The following ARHGAP42 variants were observed in gnomAD, a reference collection of about 807,000 sequenced individuals.
The protein encoded by ARHGAP42 is Rho GTPase activating protein 42.
In ARHGAP42, 63 loss-of-function variants were observed where a neutral mutation model predicts 125.0. That is an observed-to-expected ratio of 0.50 (90% CI 0.41 to 0.62). The LOEUF is 0.62. Among genes scored for constraint, ARHGAP42 ranks in the 20% least tolerant of loss-of-function variants. ARHGAP42 has a pLI of 0.00. For missense variants in ARHGAP42, 766 were observed against 1,024.2 expected (o/e 0.75, Z 3.44); for synonymous variants, 339 against 351.0 (o/e 0.97, Z 0.38).
At chr11:100,904,219 C>T (rs1866655326) in intron 4 of ARHGAP42, among the ~76,000 whole-genome samples, 1 of 151,896 alleles carries the variant, frequency 6.6e-6, no homozygotes, top group South Asian at 2.1e-4. Flanking sequence ...ATATCGAACA[C>T]CCCCTCTACT....
At chr11:100,813,904 A>G (rs574708543) in intron 3 of ARHGAP42, among the ~76,000 whole-genome samples, 1 of 152,322 alleles carries the variant, frequency 6.6e-6, no homozygotes, top group Admixed American at 6.5e-5. Flanking sequence ...GAATGAAAAT[A>G]GCAGAACAGG....
chr11:100,852,865 T>G lies in ARHGAP42; in HGVS notation c.313-6689T>G, dbSNP rs373557574. Among the ~76,000 whole-genome samples, 7 of 152,280 alleles carry G rather than the reference T, an allele frequency of 4.6e-5. No homozygotes were observed. In the East Asian group the frequency reaches 1.2e-3, roughly 25 times the overall value. Reference sequence around the variant, plus strand: ...AAGTTCAGCAGACCCTGGTGTTTCCTTAGAATGTGCAAAGGTAGAGGACTG... The same window carrying G: ...AAGTTCAGCAGACCCTGGTGTTTCCGTAGAATGTGCAAAGGTAGAGGACTG... On this transcript the variant is annotated intron_variant, in intron 3 of 23. Transcript: ENST00000298815.
In ARHGAP42 at chr11:100,687,576, C is replaced by G; in HGVS notation, c.-103C>G. 1 of 963,806 alleles carries G rather than the reference C, an allele frequency of 1.0e-6. No individual in the cohort carries two copies. The highest frequency in any genetic ancestry group is 1.7e-5 in the African/African-American group (1 of 57,706). 59.7% of individuals were successfully genotyped at this position (963,806 alleles called of 1,614,324 possible). On this transcript the variant is annotated 5_prime_UTR_variant, in exon 1 of 24. Transcript: ENST00000298815. ...CAGTCCCCTCGCGTCCCGGCGCCTT[C>G]CCCGCGATCGCGCGACCCCAGCGCC...
At chr11:100,691,042 A>G (rs1861180584) in intron 1 of ARHGAP42, among the ~76,000 whole-genome samples, 1 of 152,228 alleles carries the variant, frequency 6.6e-6, no homozygotes, top group Non-Finnish European at 1.5e-5. Flanking sequence ...AACCTCTCTT[A>G]GTCCTAACTT....
chr11:100,943,716 C>A, intron 9 of ARHGAP42, 43 bp from the exon 10 acceptor site: 2 of 1,309,240 alleles, frequency 1.5e-6, no homozygotes, highest in Non-Finnish European at 2.1e-6. Context: ...TATTTCAATT[C>A]ACTTGTCAGC....
chr11:100,970,788 C>T (rs771243460), intron 17 of ARHGAP42, among the ~76,000 whole-genome samples: 44 of 152,062 alleles, frequency 2.9e-4, no homozygotes, highest in Non-Finnish European at 4.9e-4. Flanking sequence ...GATTTTGGCA[C>T]CAATATTCTT....
intron 4 of ARHGAP42, among the ~76,000 whole-genome samples, chr11:100,868,473 A>C (rs752892921): frequency 6.6e-6 from 1 of 152,218 alleles, no homozygotes; most frequent in African/African-American, 2.4e-5. Flanking sequence ...AATAACCGTT[A>C]AACTCATTTT....
intron 2 of ARHGAP42, among the ~76,000 whole-genome samples, chr11:100,784,670 A>T (rs1863392782): frequency 6.6e-6 from 1 of 152,218 alleles, no homozygotes; most frequent in Admixed American, 6.5e-5. Flanking sequence ...GATTCAAAAA[A>T]AAAAAATCCT....
intron 2 of ARHGAP42, among the ~76,000 whole-genome samples, chr11:100,772,217 G>T (rs1275279368): frequency 6.6e-6 from 1 of 152,186 alleles, no homozygotes; most frequent in African/African-American, 2.4e-5. Flanking sequence ...CTCAGGAGAA[G>T]CTAAGCTGAA....
At chr11:100,699,634 T>G (rs951059839) in intron 1 of ARHGAP42, among the ~76,000 whole-genome samples, 1 of 147,092 alleles carries the variant, frequency 6.8e-6, no homozygotes. Context: ...GCGATTCTCC[T>G]GCCTCAGCCT....
intron 1 of ARHGAP42, among the ~76,000 whole-genome samples, chr11:100,697,665 T>C (rs1020562984): frequency 3.3e-5 from 5 of 152,186 alleles, no homozygotes; most frequent in African/African-American, 1.2e-4. Flanking sequence ...ATGATTTAAT[T>C]TGGAAAACTG....
At chr11:100,825,996 G>A (rs1864507799) in intron 3 of ARHGAP42, among the ~76,000 whole-genome samples, 1 of 152,120 alleles carries the variant, frequency 6.6e-6, no homozygotes, top group South Asian at 2.1e-4. Flanking sequence ...TTCCTCAGAA[G>A]CTTATGTCCA....
intron 3 of ARHGAP42, among the ~76,000 whole-genome samples, chr11:100,796,768 C>CTTTT (rs35175302): frequency 1.7e-5 from 2 of 119,010 alleles, no homozygotes; most frequent in South Asian, 5.9e-4. Flanking sequence ...CTTTTTAATT[C>CTTTT]TTTTTTTTTT....
intron 4 of ARHGAP42, among the ~76,000 whole-genome samples, chr11:100,886,071 ATTTTTTATTTTAAGTCTT>A (rs554563492): frequency 1.3e-5 from 2 of 152,264 alleles, no homozygotes; most frequent in East Asian, 3.9e-4. Flanking sequence ...TATGGTCTAC[ATTTTTTATTTTAAGTCTT>A]TAGGACTTTA....
chr11:100,887,646 G>T (rs554189354), intron 4 of ARHGAP42, among the ~76,000 whole-genome samples: 1 of 152,198 alleles, frequency 6.6e-6, no homozygotes, highest in South Asian at 2.1e-4. Context: ...ACACAGAGAT[G>T]TCTGACCCAA....
intron 4 of ARHGAP42, 103 bp downstream of exon 4, chr11:100,859,728 A>T: frequency 1.1e-6 from 1 of 907,814 alleles, no homozygotes; most frequent in Non-Finnish European, 1.6e-6. Context: ...CTTTTAAAAG[A>T]TTTTGTACAT....
intron 1 of ARHGAP42, among the ~76,000 whole-genome samples, chr11:100,746,776 T>G (rs7950937): frequency 0.042 from 6,339 of 152,200 alleles, 193 homozygotes; most frequent in African/African-American, 0.071. Flanking sequence ...TCTAAAGTGG[T>G]GTTAGAGTTG....
At chr11:100,845,074 G>C (rs1162693451) in intron 3 of ARHGAP42, among the ~76,000 whole-genome samples, 3 of 149,710 alleles carry the variant, frequency 2.0e-5, no homozygotes, top group Non-Finnish European at 4.4e-5. Flanking sequence ...TAAAGAAACT[G>C]TGATATATAT....
intron 1 of ARHGAP42, among the ~76,000 whole-genome samples, chr11:100,696,208 G>C (rs1019662578): frequency 3.3e-5 from 5 of 152,112 alleles, no homozygotes; most frequent in African/African-American, 4.8e-5. Flanking sequence ...CTGCACAACA[G>C]AGCAAGACCC....
Sources: gnomAD v4.1 joint callset for allele counts (sites outside exome capture counted in the v4.1 genomes callset) on GRCh38, gnomAD v4.1.1 for gene constraint, MANE v1.5 for transcripts, NCBI Gene and HGNC (gene_info 2026-07-23, HGNC 2026-07-21) for gene names.